Variants in NT5C2 observed in about 807,000 individuals in gnomAD.
NT5C2 encodes 5'-nucleotidase, cytosolic II, also known as cytosolic purine 5'-nucleotidase.
Under a neutral mutation model 76.1 loss-of-function variants are expected in NT5C2, and 58 were observed. The observed-to-expected ratio is 0.76, with a 90% CI of 0.62 to 0.95. The LOEUF is 0.95. Ranked by LOEUF, NT5C2 falls within the 40% of genes least tolerant of loss-of-function variation. NT5C2 has a pLI of 0.00. For synonymous variants in NT5C2, 229 were observed against 237.4 expected (o/e 0.96, Z 0.32); for missense variants, 478 against 690.3 (o/e 0.69, Z 3.45).
At position 103,149,038 on chromosome 10, in the gene NT5C2, A is replaced by G. The variant is rs185442859; in HGVS notation, c.102-9559T>C. ...AGCCTTGACTGTACATCTATTTCCC[A>G]TTTTGTACTGCGTCCAGGGAGGGGG... On this transcript the variant is annotated intron_variant, in intron 3 of 18. Coordinates refer to ENST00000404739, the MANE Select transcript of NT5C2 (RefSeq NM_001351169.2). Among the ~76,000 whole-genome samples, 48 of 152,290 alleles carry G rather than the reference A, an allele frequency of 3.2e-4. 1 individual carries two copies. The highest frequency in any genetic ancestry group is 4.6e-4 in the Non-Finnish European group (31 of 68,024).
chr10:103,110,151 A>G (rs2072572824), intron 4 of NT5C2, among the ~76,000 whole-genome samples: 1 of 152,118 alleles, frequency 6.6e-6, no homozygotes, highest in African/African-American at 2.4e-5. Flanking sequence ...AGCTCTTTGT[A>G]AGGCCAGGAG....
intron 6 of NT5C2, among the ~76,000 whole-genome samples, chr10:103,103,399 A>G (rs985331409): frequency 5.3e-5 from 8 of 152,190 alleles, no homozygotes; most frequent in Non-Finnish European, 1.0e-4. Flanking sequence ...TACTTTCTTC[A>G]GTTAGATTTA....
chr10:103,101,227 G>C lies in NT5C2; in HGVS notation c.481+8C>G, dbSNP rs773212797. The C allele has an allele frequency of 6.5e-7, 1 of 1,540,626 alleles. No homozygotes were observed. The highest frequency in any genetic ancestry group is 1.1e-5 in the South Asian group (1 of 89,352). On this transcript the variant is annotated splice_region_variant and intron_variant, in intron 7 of 18. Transcript: ENST00000404739. ...GCATCAGTATAAATAAGCATAGAAT[G>C]AATCTACCTGGTAGGTTGAATAGTG...
rs924229295 is a variant in NT5C2 at position 103,088,828 on chromosome 10, C to G, written c.*844G>C. On this transcript the variant is annotated 3_prime_UTR_variant, in exon 19 of 19. Coordinates refer to ENST00000404739, the MANE Select transcript of NT5C2 (RefSeq NM_001351169.2). ...ATCAACTCTTAGAGGACAAAGAAAT[C>G]TGGAATTGGGTAGCATGAGCCACAG... 3.6e-5 allele frequency: 7 copies of G among 193,594 alleles called. No individual in the cohort carries two copies. Among genetic ancestry groups the G allele is most frequent in the Non-Finnish European group, 6.5e-5 (6 of 92,764 alleles). The allele number at this position is 193,594 out of a possible 1,614,324, so 12.0% of individuals were successfully genotyped here. A position where few individuals can be genotyped will look rare whatever the true frequency, so the allele number is the denominator to read the frequency against.
At chr10:103,117,392 G>C (rs928733180) in intron 4 of NT5C2, among the ~76,000 whole-genome samples, 2 of 152,178 alleles carry the variant, frequency 1.3e-5, no homozygotes, top group Non-Finnish European at 2.9e-5. Context: ...ACACTTAACA[G>C]TCTCAGCACT....
At chr10:103,191,405 G>A (rs1374192955) in intron 1 of NT5C2, among the ~76,000 whole-genome samples, 1 of 149,714 alleles carries the variant, frequency 6.7e-6, no homozygotes, top group Non-Finnish European at 1.5e-5. Flanking sequence ...AAAAGAGAGA[G>A]AGAGGAAATA....
chr10:103,173,897 A>G (rs12244207), intron 3 of NT5C2, among the ~76,000 whole-genome samples: 22,807 of 151,968 alleles, frequency 0.15, 1,776 homozygotes, highest in Middle Eastern at 0.22. Context: ...GGAGTTCAAG[A>G]CCAGCCTGGC....
intron 4 of NT5C2, among the ~76,000 whole-genome samples, chr10:103,129,742 G>A (rs1372821501): frequency 2.2e-4 from 22 of 101,770 alleles, no homozygotes; most frequent in Non-Finnish European, 3.5e-4. Context: ...CGCCCCGTCC[G>A]GGAGGGAGGT....
intron 4 of NT5C2, among the ~76,000 whole-genome samples, chr10:103,132,704 C>G (rs1317578893): frequency 6.6e-6 from 1 of 152,044 alleles, no homozygotes; most frequent in East Asian, 1.9e-4. Flanking sequence ...CGCCCGCCAC[C>G]ACGCCCGGCT....
Position 103,128,971 on chromosome 10 carries a change from A to T in NT5C2, c.175+10435T>A, listed in dbSNP as rs1278504358. ...CCGGCAGCCACCCCGTCCGGGAGGG[A>T]GGTAGGGGGGGGTCAACCCCCCGCC... On this transcript the variant is annotated intron_variant, in intron 4 of 18. Transcript: ENST00000404739. Among the ~76,000 whole-genome samples, 5 of 106,742 alleles carry T rather than the reference A, an allele frequency of 4.7e-5. 2 individuals carry two copies. The highest frequency in any genetic ancestry group is 1.0e-4 in the Non-Finnish European group (5 of 48,862). 70.0% of individuals were successfully genotyped at this position (106,742 alleles called of 152,430 possible).
Position 103,095,929 on chromosome 10 carries a change from C to T in NT5C2, c.813+10G>A, listed in dbSNP as rs367913234. ...ATTAAAGCAGTGGTCTATTGAGTCA[C>T]ATACGGTACCTTGGGGCCATGTGGG... On this transcript the variant is annotated intron_variant, in intron 12 of 18. Coordinates refer to ENST00000404739, the MANE Select transcript of NT5C2 (RefSeq NM_001351169.2). The T allele has an allele frequency of 6.2e-7, 1 of 1,609,750 alleles. No individual in the cohort carries two copies. The highest frequency in any genetic ancestry group is 1.1e-5 in the South Asian group (1 of 90,916).
At chr10:103,178,287 C>T (rs913252366) in intron 2 of NT5C2, among the ~76,000 whole-genome samples, 2 of 152,218 alleles carry the variant, frequency 1.3e-5, no homozygotes, top group African/African-American at 4.8e-5. Flanking sequence ...GTGGCTCATG[C>T]CTATAATCCC....
intron 6 of NT5C2, among the ~76,000 whole-genome samples, chr10:103,104,838 G>A (rs192917757): frequency 2.6e-5 from 4 of 152,154 alleles, no homozygotes; most frequent in Non-Finnish European, 5.9e-5. Flanking sequence ...GTAGCCTGGT[G>A]TTTTTCCTAT....
intron 3 of NT5C2, chr10:103,153,301 A>G (rs1294173934): frequency 3.1e-6 from 4 of 1,281,824 alleles, no homozygotes; most frequent in Non-Finnish European, 2.0e-6. Flanking sequence ...CCTTCCTTAG[A>G]CATTCTCAAA....
intron 4 of NT5C2, among the ~76,000 whole-genome samples, chr10:103,139,000 T>G (rs575037813): frequency 1.3e-5 from 2 of 150,210 alleles, no homozygotes; most frequent in African/African-American, 4.9e-5. Flanking sequence ...AGAGCGAAAC[T>G]CCGTCTCAAA....
Position 103,155,253 on chromosome 10 carries a change from CAT to C in NT5C2, c.102-15776_102-15775del, listed in dbSNP as rs555966327. The stretch of plus-strand genomic sequence containing the variant: ...TAGAGATACGCACAACAGAGAGGGA[CAT>C]ATAGATCCTCTTGGCTGAGTCTTAG... On this transcript the variant is annotated intron_variant, in intron 3 of 18. Transcript: ENST00000404739. 1.4e-4 allele frequency among the ~76,000 whole-genome samples: 21 copies of C among 152,280 alleles called. No individual in the cohort carries two copies. In the South Asian group the frequency reaches 4.4e-3, roughly 32 times the overall value.
chr10:103,146,261 C>G, intron 3 of NT5C2: 1 of 985,392 alleles, frequency 1.0e-6, no homozygotes, highest in Non-Finnish European at 1.2e-6. Context: ...ACTGTTGCTC[C>G]ACACAAATCC....
In NT5C2 at chr10:103,107,792, AT is replaced by A. The variant is rs557758987; in HGVS notation, c.176-1087del. On this transcript the variant is annotated intron_variant, in intron 4 of 18. Coordinates refer to ENST00000404739, the MANE Select transcript of NT5C2 (RefSeq NM_001351169.2). ...TCAGGCAATGAGGGGTTCTCTCTCT[AT>A]TGTGTAAGTCTGAAATTTTCCATAA... Among the ~76,000 whole-genome samples, 426 of 152,256 alleles carry A rather than the reference AT, an allele frequency of 2.8e-3. 7 individuals are homozygous for A. Among genetic ancestry groups the A allele is most frequent in the Non-Finnish European group, 9.9e-4 (67 of 68,014 alleles).
chr10:103,129,935 G>T (rs1405704279), intron 4 of NT5C2, among the ~76,000 whole-genome samples: 3 of 108,970 alleles, frequency 2.8e-5, no homozygotes, highest in Non-Finnish European at 2.0e-5. Flanking sequence ...AGGTGGGGGG[G>T]GTCAGCCCCC....
Sources: gnomAD v4.1 joint callset for allele counts (sites outside exome capture counted in the v4.1 genomes callset) on GRCh38, gnomAD v4.1.1 for gene constraint, MANE v1.5 for transcripts, NCBI Gene and HGNC (gene_info 2026-07-23, HGNC 2026-07-21) for gene names.